Variants in SEMA6D observed in about 807,000 individuals in gnomAD.
The protein encoded by SEMA6D is semaphorin-6D.
A neutral mutation model predicts 106.6 loss-of-function variants in SEMA6D; 35 were observed. The observed-to-expected ratio is 0.33, with a 90% CI of 0.25 to 0.44. The LOEUF (loss-of-function observed/expected upper bound fraction) is 0.44. Among genes scored for constraint, SEMA6D ranks in the 20% least tolerant of loss-of-function variants. SEMA6D has a pLI of 1.00. For synonymous variants in SEMA6D, 499 were observed against 487.7 expected, an observed-to-expected ratio of 1.02 and a Z score of -0.31; for missense variants, 1,185 against 1,345.9, an observed-to-expected ratio of 0.88 and a Z score of 1.87.
At chr15:47,267,144 TTC>T (rs1223342937) in intron 1 of SEMA6D, among the ~76,000 whole-genome samples, 5 of 152,128 alleles carry the variant, frequency 3.3e-5, no homozygotes, top group Non-Finnish European at 7.4e-5. Context: ...TTCTTGAACA[TTC>T]TCTGAGTTTC....
chr15:47,488,513 A>G (rs1200314911), intron 3 of SEMA6D, among the ~76,000 whole-genome samples: 2 of 152,012 alleles, frequency 1.3e-5, no homozygotes, highest in African/African-American at 4.8e-5. Flanking sequence ...AGTACATAGT[A>G]TGTACTATGA....
intron 3 of SEMA6D, among the ~76,000 whole-genome samples, chr15:47,476,075 A>G (rs2042993918): frequency 6.6e-6 from 1 of 152,206 alleles, no homozygotes; most frequent in South Asian, 2.1e-4. Flanking sequence ...GGAGACAGGA[A>G]CATATTCCAG....
chr15:47,771,639 T>C lies in SEMA6D; in HGVS notation c.3076T>C (p.Ser1026Pro). The C allele has an allele frequency of 6.2e-7, 1 of 1,614,054 alleles. No homozygotes were observed. Among genetic ancestry groups the C allele is most frequent in the Non-Finnish European group, 8.5e-7 (1 of 1,179,974 alleles). Residue 1026 changes from serine to proline, a missense_variant, in exon 19 of 19, where the codon TCC (serine) becomes CCC (proline). Ser to Pro is a moderately conservative substitution (Grantham distance 74, BLOSUM62 -1). This residue lies in a region of SEMA6D where 750 missense variants were observed against 783.5 expected (regional missense o/e 0.96). Transcript: ENST00000536845. ...GAGTGTTCATCTGCAGCCTTCCCTC[T>C]CCAGACAGAGCAGCTACACCAGTAA... is the stretch of plus-strand genomic sequence containing the variant. ...PVSVHLQPSL[S>P]RQSSYTSNGT... is the part of the protein sequence containing the mutation.
chr15:47,383,343 T>C (rs1291017856), intron 1 of SEMA6D, among the ~76,000 whole-genome samples: 1 of 152,162 alleles, frequency 6.6e-6, no homozygotes, highest in Non-Finnish European at 1.5e-5. Context: ...ATGGCACATA[T>C]GGAAAGTACA....
chr15:47,419,697 C>A (rs536523827), intron 2 of SEMA6D, among the ~76,000 whole-genome samples: 2 of 152,036 alleles, frequency 1.3e-5, no homozygotes, highest in Non-Finnish European at 1.5e-5. Context: ...AGTCAGATTT[C>A]AACTAGTGCA....
At chr15:47,603,026 G>A (rs2076695365) in intron 4 of SEMA6D, among the ~76,000 whole-genome samples, 1 of 152,144 alleles carries the variant, frequency 6.6e-6, no homozygotes, top group Non-Finnish European at 1.5e-5. Flanking sequence ...ATGATATTGG[G>A]CACTGTGACT....
intron 1 of SEMA6D, among the ~76,000 whole-genome samples, chr15:47,243,253 C>A (rs1318411980): frequency 1.3e-5 from 2 of 152,026 alleles, no homozygotes; most frequent in Non-Finnish European, 2.9e-5. Flanking sequence ...GTTGCGCATA[C>A]CCAGACTTCA....
rs1815684090 is a variant in SEMA6D, at chr15:47,213,241, C to G, written c.-239+28823C>G. ...TGGACCGCACAAATACAGAATACTTCCATCACTGCATGAAGTTCTGTTGGA... is the reference window on the plus strand; with the variant it reads ...TGGACCGCACAAATACAGAATACTTGCATCACTGCATGAAGTTCTGTTGGA... On this transcript the variant is annotated intron_variant, in intron 1 of 19. Coordinates refer to the SEMA6D transcript ENST00000558014. Among the ~76,000 whole-genome samples the G allele has an allele frequency of 5.3e-5, 8 of 152,190 alleles. No individual in the cohort carries two copies. In the South Asian group the frequency reaches 1.7e-3, roughly 31 times the overall value.
At chr15:47,520,207 G>C (rs191742172) in intron 3 of SEMA6D, among the ~76,000 whole-genome samples, 3 of 152,160 alleles carry the variant, frequency 2.0e-5, no homozygotes, top group Admixed American at 6.5e-5. Flanking sequence ...ATTTTCCTTT[G>C]GTTTTAAAAT....
At chr15:47,189,864 GAT>G (rs1361022026) in intron 1 of SEMA6D, among the ~76,000 whole-genome samples, 4 of 152,122 alleles carry the variant, frequency 2.6e-5, no homozygotes, top group Non-Finnish European at 5.9e-5. Flanking sequence ...TTCCAATTAT[GAT>G]ATAAATAGTG....
At chr15:47,592,634 G>A (rs1253542524) in intron 3 of SEMA6D, among the ~76,000 whole-genome samples, 1 of 152,156 alleles carries the variant, frequency 6.6e-6, no homozygotes, top group African/African-American at 2.4e-5. Flanking sequence ...TTTAGAGACA[G>A]AGACCATGTC....
intron 3 of SEMA6D, among the ~76,000 whole-genome samples, chr15:47,554,906 G>T (rs186659624): frequency 2.6e-5 from 4 of 152,122 alleles, no homozygotes; most frequent in Non-Finnish European, 5.9e-5. Flanking sequence ...CTCAATCCAG[G>T]ATAAATGATT....
rs2035880078 is a variant in SEMA6D at position 47,298,229 on chromosome 15, G to A, written c.-239+113811G>A. On this transcript the variant is annotated intron_variant, in intron 1 of 19. Coordinates refer to the SEMA6D transcript ENST00000558014. Reference sequence around the variant, plus strand: ...TCGCACTGGGAATAGGACTGTACCTGCCCTGCCATCTCCTAGCCCTGTGGA... The same window carrying A: ...TCGCACTGGGAATAGGACTGTACCTACCCTGCCATCTCCTAGCCCTGTGGA... 2.6e-5 allele frequency among the ~76,000 whole-genome samples: 4 copies of A among 152,270 alleles called. No individual in the cohort carries two copies. In the South Asian group the frequency reaches 8.3e-4, roughly 32 times the overall value.
chr15:47,290,425 T>C (rs887726652), intron 1 of SEMA6D, among the ~76,000 whole-genome samples: 2 of 152,090 alleles, frequency 1.3e-5, no homozygotes, highest in African/African-American at 4.8e-5. Context: ...AACTGGGAGA[T>C]GAAGAATTGT....
chr15:47,474,100 T>A (rs1385497713), intron 3 of SEMA6D, among the ~76,000 whole-genome samples: 1 of 152,150 alleles, frequency 6.6e-6, no homozygotes, highest in African/African-American at 2.4e-5. Flanking sequence ...AGGTGGCCTC[T>A]TTTCCCTTTG....
chr15:47,766,491 T>TG, intron 15 of SEMA6D, 125 bp from the exon 16 acceptor site: 1 of 271,140 alleles, frequency 3.7e-6, no homozygotes, highest in Non-Finnish European at 6.2e-6. Context: ...TAAAATGTTG[T>TG]TTTTTTTTTT....
At chr15:47,642,263 G>A (rs897512392) in intron 4 of SEMA6D, among the ~76,000 whole-genome samples, 9 of 152,324 alleles carry the variant, frequency 5.9e-5, no homozygotes, top group African/African-American at 2.2e-4. Flanking sequence ...AATAGAGCAA[G>A]TCTGGGCTGG....
At chr15:47,481,339 G>A (rs2043147889) in intron 3 of SEMA6D, among the ~76,000 whole-genome samples, 1 of 152,178 alleles carries the variant, frequency 6.6e-6, no homozygotes. Flanking sequence ...TAGCTGCAGA[G>A]TAGCTCTGTA....
chr15:47,681,004 C>G (rs1303757765), intron 4 of SEMA6D, among the ~76,000 whole-genome samples: 2 of 152,150 alleles, frequency 1.3e-5, no homozygotes, highest in East Asian at 3.8e-4. Context: ...AATGTTGTTG[C>G]CGCTATGGAA....
Sources: allele counts gnomAD v4.1 joint callset (sites outside exome capture counted in the v4.1 genomes callset), GRCh38; gene constraint gnomAD v4.1.1; regional missense constraint gnomAD v4.1.1; transcripts MANE v1.5; gene names NCBI Gene and HGNC (gene_info 2026-07-23, HGNC 2026-07-21).